Variants in CRISP3 observed in about 807,000 individuals in gnomAD.
CRISP3 encodes the protein cysteine-rich secretory protein 3.
A neutral mutation model predicts 36.1 loss-of-function variants in CRISP3; 33 were observed. The observed-to-expected ratio is 0.91, with a 90% confidence interval of 0.69 to 1.22. The LOEUF is 1.22. Among genes scored for constraint, CRISP3 ranks in the 50% most tolerant of loss-of-function variants. The pLI is 0.00. For synonymous variants in CRISP3, 117 were observed against 104.6 expected (o/e 1.12, Z -0.72); for missense variants, 330 against 301.2 (o/e 1.10, Z -0.71).
chr6:49,739,357 A>G (rs1464936218), intron 1 of CRISP3, among the ~76,000 whole-genome samples: 1 of 152,212 alleles, frequency 6.6e-6, no homozygotes, highest in South Asian at 2.1e-4. Flanking sequence ...CACATGATCA[A>G]GTGAACAAGA....
rs1333192577 is a variant in CRISP3, at chr6:49,727,665, T to C, written c.*1065A>G. ...TGGCTCACATGTCTCCTTAGTCTCATGTGGTCTGTGATTGTTTCTCAGGAT... is the reference window on the plus strand; with the variant it reads ...TGGCTCACATGTCTCCTTAGTCTCACGTGGTCTGTGATTGTTTCTCAGGAT... On this transcript the variant is annotated 3_prime_UTR_variant, in exon 8 of 8. Transcript: ENST00000263045. The C allele has an allele frequency of 2.6e-5, 4 of 152,168 alleles. No homozygotes were observed. The highest frequency in any genetic ancestry group is 5.9e-5 in the Non-Finnish European group (4 of 68,006). 9.4% of individuals were successfully genotyped at this position (152,168 alleles called of 1,614,324 possible). A position where few individuals can be genotyped will look rare whatever the true frequency, so the allele number is the denominator to read the frequency against.
At position 49,728,549 on chromosome 6, in the gene CRISP3, T is replaced by TCAA; in HGVS notation, c.*180_*181insTTG. The TCAA allele has an allele frequency of 2.3e-6, 1 of 440,998 alleles. No homozygotes were observed. Among genetic ancestry groups the TCAA allele is most frequent in the Non-Finnish European group, 3.7e-6 (1 of 268,126 alleles). 27.3% of individuals were successfully genotyped at this position (440,998 alleles called of 1,614,324 possible). A position where few individuals can be genotyped will look rare whatever the true frequency, so the allele number is the denominator to read the frequency against. On this transcript the variant is annotated 3_prime_UTR_variant, in exon 8 of 8. Coordinates refer to ENST00000263045, the MANE Select transcript of CRISP3 (RefSeq NM_006061.4). ...TAGATTTTGTTTCTTTTTAACCATT[T>TCAA]GTATGAAAAATATTTTTGTAAAATA...
In CRISP3 at chr6:49,736,410, G is replaced by T. The variant is rs997059621; in HGVS notation, c.209C>A (p.Ala70Asp). 1.2e-6 allele frequency: 2 copies of T among 1,610,684 alleles called. No individual in the cohort carries two copies. The highest frequency in any genetic ancestry group is 1.3e-5 in the African/African-American group (1 of 74,788). ...TCTTACCATCTTCAGCATGTTTCTG[G>T]CAGGGGGAGATACTGCTCTCCTCAG... ...NELRRAVSPP[A>D]RNMLKMEWNK... Residue 70 changes from alanine (A) to aspartate (D), a missense_variant, in exon 3 of 8, where the codon GCC (alanine) becomes GAC (aspartate). By Grantham distance (126) the Ala-to-Asp change is moderately radical (BLOSUM62 -2). Coordinates refer to ENST00000263045, the MANE Select transcript of CRISP3 (RefSeq NM_006061.4).
intron 4 of CRISP3, 97 bp downstream of exon 4, chr6:49,735,407 C>A: frequency 2.3e-6 from 2 of 868,616 alleles, no homozygotes; most frequent in African/African-American, 1.7e-5. Context: ...GCATTAGAAG[C>A]AATATTTATT....
rs186772739 is a variant in CRISP3, at chr6:49,734,897, G to A, written c.316+607C>T. On this transcript the variant is annotated intron_variant, in intron 4 of 7. Coordinates refer to ENST00000263045, the MANE Select transcript of CRISP3 (RefSeq NM_006061.4). ...TTTATTGATGTATAGGTTATGTCTT[G>A]CAGGTCATTTTTTTAGTTTAATATA... Among the ~76,000 whole-genome samples the A allele has an allele frequency of 9.9e-5, 15 of 151,894 alleles. No homozygotes were observed. The East Asian group carries it at 2.7e-3, about 27-fold the overall frequency.
At position 49,728,510 on chromosome 6, in the gene CRISP3, C is replaced by A; in HGVS notation, c.*220G>T. ...ATCACAAAGTTTATATATAAAAATC[C>A]AAAGTTGTTGTTATAGATTTTGTTT... On this transcript the variant is annotated 3_prime_UTR_variant, in exon 8 of 8. Coordinates refer to ENST00000263045, the MANE Select transcript of CRISP3 (RefSeq NM_006061.4). 3.0e-6 allele frequency: 1 copy of A among 335,858 alleles called. No individual in the cohort carries two copies. The allele number at this position is 335,858 out of a possible 1,614,324, so 20.8% of individuals were successfully genotyped here. A position where few individuals can be genotyped will look rare whatever the true frequency, so the allele number is the denominator to read the frequency against.
At position 49,731,374 on chromosome 6, in the gene CRISP3, A is replaced by C. The variant is rs531195918; in HGVS notation, c.561-123T>G. ...TAAATGTTTTTAATTATGTCAAATA[A>C]TTAAAAATATAATCTCAGAGTATAT... On this transcript the variant is annotated intron_variant, in intron 6 of 7. Transcript: ENST00000263045. The C allele has an allele frequency of 3.1e-5, 15 of 484,146 alleles. No individual in the cohort carries two copies. The East Asian group carries it at 4.4e-4, about 14-fold the overall frequency. 30.0% of individuals were successfully genotyped at this position (484,146 alleles called of 1,614,324 possible).
At chr6:49,735,124 A>G (rs965289841) in intron 4 of CRISP3, among the ~76,000 whole-genome samples, 1 of 152,186 alleles carries the variant, frequency 6.6e-6, no homozygotes, top group African/African-American at 2.4e-5. Flanking sequence ...TGTCACTAAA[A>G]AGGGTACTGA....
At chr6:49,736,997 T>C (rs1582195339) in intron 2 of CRISP3, among the ~76,000 whole-genome samples, 1 of 152,242 alleles carries the variant, frequency 6.6e-6, no homozygotes, top group Non-Finnish European at 1.5e-5. Context: ...TGCAATACTC[T>C]AGTAAAAGAG....
intron 6 of CRISP3, among the ~76,000 whole-genome samples, chr6:49,732,208 C>T (rs1409913192): frequency 6.6e-6 from 1 of 152,188 alleles, no homozygotes; most frequent in Non-Finnish European, 1.5e-5. Flanking sequence ...CAGATGCTGA[C>T]TCCAGATGCT....
intron 1 of CRISP3, among the ~76,000 whole-genome samples, chr6:49,740,170 C>T (rs1436759469): frequency 6.6e-6 from 1 of 152,094 alleles, no homozygotes; most frequent in Non-Finnish European, 1.5e-5. Context: ...ATGTTAGGAC[C>T]ACTGGTATGT....
At chr6:49,742,906 T>C (rs1363661339) in intron 1 of CRISP3, among the ~76,000 whole-genome samples, 3 of 152,262 alleles carry the variant, frequency 2.0e-5, no homozygotes, top group East Asian at 3.9e-4. Context: ...TCAAAAGCAT[T>C]AACACATGTG....
At position 49,733,972 on chromosome 6, in the gene CRISP3, C is replaced by T. The variant is rs73441836; in HGVS notation, c.317-124G>A. On this transcript the variant is annotated intron_variant, in intron 4 of 7. Transcript: ENST00000263045. The stretch of plus-strand genomic sequence containing the variant: ...TTTAAATACAGTCCCCAGTACCCAC[C>T]GTTAATGAATATTGACTAATACATA... 7,529 of 744,584 alleles carry T rather than the reference C, an allele frequency of 0.01. 431 individuals carry two copies. The African/African-American group carries it at 0.12, about 11-fold the overall frequency. 46.1% of individuals were successfully genotyped at this position (744,584 alleles called of 1,614,324 possible).
At position 49,728,614 on chromosome 6, in the gene CRISP3, G is replaced by T; in HGVS notation, c.*116C>A. On this transcript the variant is annotated 3_prime_UTR_variant, in exon 8 of 8. Transcript: ENST00000263045. Reference sequence around the variant, plus strand: ...AAGAAAAACATTTGAAATCAAATGTGTATCAAACATGCCTACAATTTCTCA... The same window carrying T: ...AAGAAAAACATTTGAAATCAAATGTTTATCAAACATGCCTACAATTTCTCA... 1 of 788,406 alleles carries T rather than the reference G, an allele frequency of 1.3e-6. No individual in the cohort carries two copies. The highest frequency in any genetic ancestry group is 1.8e-6 in the Non-Finnish European group (1 of 549,446). 48.8% of individuals were successfully genotyped at this position (788,406 alleles called of 1,614,324 possible).
At chr6:49,736,362 C>T in intron 3 of CRISP3, 29 bp downstream of exon 3, 4 of 1,446,286 alleles carry the variant, frequency 2.8e-6, no homozygotes, top group Non-Finnish European at 2.9e-6. Context: ...CTTGTTCACA[C>T]CCCTCTCCTT....
At chr6:49,734,578 AC>A (rs1768995729) in intron 4 of CRISP3, among the ~76,000 whole-genome samples, 1 of 152,176 alleles carries the variant, frequency 6.6e-6, no homozygotes, top group Non-Finnish European at 1.5e-5. Context: ...AGTATAAACT[AC>A]CTTTGTATAG....
chr6:49,729,994 G>T (rs1768874309), intron 7 of CRISP3, among the ~76,000 whole-genome samples: 1 of 152,048 alleles, frequency 6.6e-6, no homozygotes, highest in Non-Finnish European at 1.5e-5. Flanking sequence ...GGCAGTGCTG[G>T]AAATATTTGG....
chr6:49,731,810 T>C (rs1211861296), intron 6 of CRISP3, among the ~76,000 whole-genome samples: 2 of 152,082 alleles, frequency 1.3e-5, no homozygotes, highest in Non-Finnish European at 2.9e-5. Flanking sequence ...TGTATGTTTG[T>C]GAAAGGGTAT....
At chr6:49,743,981 CAT>C (rs1383600091) in intron 1 of CRISP3, among the ~76,000 whole-genome samples, 6 of 152,052 alleles carry the variant, frequency 3.9e-5, no homozygotes, top group African/African-American at 1.4e-4. Flanking sequence ...TATGCACACA[CAT>C]ATATTCATAG....
Sources: allele counts gnomAD v4.1 joint callset (sites outside exome capture counted in the v4.1 genomes callset), GRCh38; gene constraint gnomAD v4.1.1; transcripts MANE v1.5; gene names NCBI Gene and HGNC (gene_info 2026-07-23, HGNC 2026-07-21).